ESYT3: variants seen among roughly 807,000 people sequenced by gnomAD.
ESYT3 encodes extended synaptotagmin-3.
Under a neutral mutation model 111.5 loss-of-function variants are expected in ESYT3, and 101 were observed. The observed-to-expected ratio is 0.91, with a 90% CI of 0.77 to 1.07. ESYT3 has a LOEUF of 1.07. Among genes scored for constraint, ESYT3 ranks in the 50% least tolerant of loss-of-function variants. The pLI, the probability that ESYT3 is intolerant of heterozygous loss-of-function variation, is 0.00. For synonymous variants in ESYT3, 416 were observed against 446.8 expected (o/e 0.93, Z 0.87); for missense variants, 1,097 against 1,109.4 (o/e 0.99, Z 0.16).
At chr3:138,453,980 C>T (rs914138770) in intron 2 of ESYT3, among the ~76,000 whole-genome samples, 4 of 152,234 alleles carry the variant, frequency 2.6e-5, no homozygotes, top group African/African-American at 7.2e-5. Context: ...GCTACCATGC[C>T]TGGCTAGGGA....
In ESYT3 at chr3:138,448,644, G is replaced by A. The variant is rs1460382688; in HGVS notation, c.328-3404G>A. ...ACTTTGAGAATGTGGGGTGGGAAAAGATTTCTTCAAGTTCCAAAAAAAGAC... is the reference window on the plus strand; with the variant it reads ...ACTTTGAGAATGTGGGGTGGGAAAAAATTTCTTCAAGTTCCAAAAAAAGAC... On this transcript the variant is annotated intron_variant, in intron 1 of 22. Coordinates refer to ENST00000389567, the MANE Select transcript of ESYT3 (RefSeq NM_031913.5). 3.3e-5 allele frequency among the ~76,000 whole-genome samples: 5 copies of A among 152,302 alleles called. No individual in the cohort carries two copies. In the South Asian group the frequency reaches 8.3e-4, roughly 25 times the overall value.
intron 8 of ESYT3, among the ~76,000 whole-genome samples, chr3:138,463,314 C>T (rs1032544271): frequency 3.3e-5 from 5 of 152,108 alleles, no homozygotes; most frequent in South Asian, 2.1e-4. Context: ...AGGCTGGTCT[C>T]GAACTTCTGA....
Position 138,460,627 on chromosome 3 carries a change from G to A in ESYT3, c.755G>A (p.Trp252Ter), listed in dbSNP as rs1237904981. 2 of 1,614,078 alleles carry A rather than the reference G, an allele frequency of 1.2e-6. No individual in the cohort carries two copies. Among genetic ancestry groups the A allele is most frequent in the Admixed American group, 3.3e-5 (2 of 60,022 alleles). Residue 252 changes from tryptophan (W) to a stop codon, truncating the protein, a stop_gained, in exon 7 of 23, where the codon TGG (tryptophan) becomes TAG (stop). Coordinates refer to ENST00000389567, the MANE Select transcript of ESYT3 (RefSeq NM_031913.5). LOFTEE classifies it high-confidence loss of function. ...FLQKPHLQIN[W>*]TGLTNLLDAP... ...CCCCTGAAGCACCTACAGATCAACTGGACTGGCCTGACCAACCTGCTGGAT... is the reference window on the plus strand; with the variant it reads ...CCCCTGAAGCACCTACAGATCAACTAGACTGGCCTGACCAACCTGCTGGAT...
At chr3:138,470,796 A>G (rs1311004761) in intron 16 of ESYT3, 81 bp from the exon 17 acceptor site, 2 of 1,598,104 alleles carry the variant, frequency 1.3e-6, no homozygotes, top group African/African-American at 2.7e-5. Flanking sequence ...AGTAAACCCA[A>G]ACTTGGCTGG....
chr3:138,462,564 G>C (rs769473082), intron 8 of ESYT3: 8 of 395,672 alleles, frequency 2.0e-5, no homozygotes, highest in Non-Finnish European at 3.6e-5. Context: ...CATTTCCAAA[G>C]TCCAATTAAA....
intron 5 of ESYT3, 59 bp from the exon 6 acceptor site, chr3:138,459,886 C>T: frequency 6.6e-7 from 1 of 1,507,056 alleles, no homozygotes; most frequent in Non-Finnish European, 9.2e-7. Context: ...CAGCTGAGCC[C>T]AGCAGGCATG....
At chr3:138,467,480 CAG>C in intron 10 of ESYT3, 79 bp from the exon 11 acceptor site, 2 of 1,396,294 alleles carry the variant, frequency 1.4e-6, no homozygotes, top group Non-Finnish European at 2.0e-6. Flanking sequence ...TATCTGAAAA[CAG>C]AGTCCAGTGT....
At chr3:138,464,854 C>A (rs2032843684) in intron 9 of ESYT3, among the ~76,000 whole-genome samples, 1 of 152,204 alleles carries the variant, frequency 6.6e-6, no homozygotes, top group Non-Finnish European at 1.5e-5. Context: ...AACCACAATC[C>A]CTACTATTTG....
chr3:138,436,100 T>C (rs1371883620), intron 1 of ESYT3, among the ~76,000 whole-genome samples: 1 of 151,942 alleles, frequency 6.6e-6, no homozygotes, highest in East Asian at 1.9e-4. Flanking sequence ...TAAAGTGAGG[T>C]GTGAGAAAAA....
chr3:138,437,002 G>A (rs769663366), intron 1 of ESYT3, among the ~76,000 whole-genome samples: 3 of 152,010 alleles, frequency 2.0e-5, no homozygotes, highest in Non-Finnish European at 4.4e-5. Context: ...GGCCTCTGTT[G>A]GGGATACAGA....
At position 138,434,875 on chromosome 3, in the gene ESYT3, G is replaced by C. The variant is rs1366040583; in HGVS notation, c.77G>C (p.Arg26Pro). ...GAQRTPGPEL[R>P]LSSQLLPELC... ...CAGCGCACGCCGGGCCCCGAGCTGC[G>C]CCTGTCCAGCCAGCTGCTGCCCGAG... Residue 26 changes from arginine to proline, a missense_variant, in exon 1 of 23, where the codon CGC becomes CCC. Transcript: ENST00000389567. 1.9e-6 allele frequency: 3 copies of C among 1,549,944 alleles called. No homozygotes were observed. Among genetic ancestry groups the C allele is most frequent in the East Asian group, 2.4e-5 (1 of 40,940 alleles).
Position 138,434,875 on chromosome 3 carries a change from G to A in ESYT3, c.77G>A (p.Arg26His). 6.5e-7 allele frequency: 1 copy of A among 1,550,062 alleles called. No homozygotes were observed. The highest frequency in any genetic ancestry group is 8.7e-7 in the Non-Finnish European group (1 of 1,146,960). ...GAQRTPGPEL[R>H]LSSQLLPELC... Reference sequence around the variant, plus strand: ...CAGCGCACGCCGGGCCCCGAGCTGCGCCTGTCCAGCCAGCTGCTGCCCGAG... The same window carrying A: ...CAGCGCACGCCGGGCCCCGAGCTGCACCTGTCCAGCCAGCTGCTGCCCGAG... The change falls in exon 1 of 23, where the codon CGC becomes CAC. Residue 26 changes from arginine to histidine, a missense_variant. Physicochemically the swap from Arg to His is conservative, Grantham distance 29. Transcript: ENST00000389567.
At position 138,435,544 on chromosome 3, in the gene ESYT3, C is replaced by G. The variant is rs1208744034; in HGVS notation, c.327+419C>G. Reference sequence around the variant, plus strand: ...GACGCAAAACGTAGATGGGCAAATACCGCAGTGACAGAAACGGCGGGCCCA... The same window carrying G: ...GACGCAAAACGTAGATGGGCAAATAGCGCAGTGACAGAAACGGCGGGCCCA... On this transcript the variant is annotated intron_variant, in intron 1 of 22. Transcript: ENST00000389567. This position sits in a 1 kb window ranked among gnomAD's most constrained non-coding sequence, Gnocchi z 4.8. Among the ~76,000 whole-genome samples the G allele has an allele frequency of 6.6e-6, 1 of 152,230 alleles. No homozygotes were observed. The highest frequency in any genetic ancestry group is 6.5e-5 in the Admixed American group (1 of 15,290).
At chr3:138,465,289 T>C (rs1345871530) in intron 9 of ESYT3, 50 bp from the exon 10 acceptor site, 1 of 1,416,104 alleles carries the variant, frequency 7.1e-7, no homozygotes, top group Non-Finnish European at 9.7e-7. Context: ...TTGGGTCATA[T>C]GTCAGGTCGA....
rs1432410064 is a variant in ESYT3 at position 138,435,779 on chromosome 3, G to C, written c.327+654G>C. Among the ~76,000 whole-genome samples, 1 of 152,202 alleles carries C rather than the reference G, an allele frequency of 6.6e-6. No individual in the cohort carries two copies. The highest frequency in any genetic ancestry group is 1.5e-5 in the Non-Finnish European group (1 of 68,044). On this transcript the variant is annotated intron_variant, in intron 1 of 22. Transcript: ENST00000389567. The surrounding 1 kb of genome is among the most constrained non-coding windows in gnomAD (Gnocchi z 4.8). ...TGGGCGGCACTACGATTCCTCAAAC[G>C]CTTCTGGTCCTGGCTTACCTAACAA...
chr3:138,469,015 T>C, intron 14 of ESYT3, 134 bp downstream of exon 14: 1 of 944,080 alleles, frequency 1.1e-6, no homozygotes, highest in Non-Finnish European at 1.7e-6. Context: ...GTGCTGATTG[T>C]GGAGTCTACT....
intron 1 of ESYT3, among the ~76,000 whole-genome samples, chr3:138,441,693 G>A (rs1240950452): frequency 6.6e-6 from 1 of 152,172 alleles, no homozygotes; most frequent in Non-Finnish European, 1.5e-5. Flanking sequence ...CCTGGAGCTT[G>A]TAGCACAAAA....
intron 1 of ESYT3, 120 bp from the exon 2 acceptor site, chr3:138,451,927 CG>C: frequency 9.1e-7 from 1 of 1,102,458 alleles, no homozygotes; most frequent in Non-Finnish European, 1.4e-6. Context: ...GTGGAGGCGG[CG>C]GGGAGGAAGG....
rs1440391145 is a variant in ESYT3 at position 138,477,676 on chromosome 3, T to C, written c.*822T>C. The C allele has an allele frequency of 6.6e-6, 1 of 152,222 alleles. No individual in the cohort carries two copies. The highest frequency in any genetic ancestry group is 1.5e-5 in the Non-Finnish European group (1 of 68,040). The allele number at this position is 152,222 out of a possible 1,614,324, so 9.4% of individuals were successfully genotyped here. ...GAAGCTTTCAGATAAGTTTAGGCTA[T>C]TCAACTTTTCTAAAGAGATGGTTGG... is the stretch of plus-strand genomic sequence containing the variant. On this transcript the variant is annotated 3_prime_UTR_variant, in exon 23 of 23. Transcript: ENST00000389567.
Sources: allele counts gnomAD v4.1 joint callset (sites outside exome capture counted in the v4.1 genomes callset), GRCh38; gene constraint gnomAD v4.1.1; non-coding constraint Gnocchi (gnomAD v3.1); transcripts MANE v1.5; gene names NCBI Gene and HGNC (gene_info 2026-07-23, HGNC 2026-07-21).